GOLGA4: variants seen among roughly 807,000 people sequenced by gnomAD.
GOLGA4 encodes golgin A4.
Under a neutral mutation model 265.9 loss-of-function variants are expected in GOLGA4, and 169 were observed. The ratio of observed to expected loss-of-function variants is 0.64; its 90% CI spans 0.56 to 0.72. The LOEUF (loss-of-function observed/expected upper bound fraction) is 0.72. Among genes scored for constraint, GOLGA4 ranks in the 30% least tolerant of loss-of-function variants. The probability of loss-of-function intolerance (pLI) is 0.00; values close to 1 mark genes in which losing one functional copy is unlikely to be tolerated. For missense variants in GOLGA4, 2,482 were observed against 2,483.4 expected (o/e 1.00, Z 0.01); for synonymous variants, 923 against 855.8 (o/e 1.08, Z -1.37).
chr3:37,287,460 A>C (rs1191988056), intron 4 of GOLGA4: 1 of 152,214 alleles, frequency 6.6e-6, no homozygotes, highest in Non-Finnish European at 1.5e-5. Flanking sequence ...AATAGTAGGT[A>C]TTGCCAACAC....
In GOLGA4 at chr3:37,243,942, G is replaced by A. The variant is rs79419691; in HGVS notation, c.72+320G>A. On this transcript the variant is annotated intron_variant, in intron 1 of 23. Coordinates refer to ENST00000361924, the MANE Select transcript of GOLGA4 (RefSeq NM_002078.5). ...GCATGATTTCTGATCCATATTTGAGGTTTTCCCACTCATCTGAGACCCCAC... is the reference window on the plus strand; with the variant it reads ...GCATGATTTCTGATCCATATTTGAGATTTTCCCACTCATCTGAGACCCCAC... 2.2e-3 allele frequency: 758 copies of A among 339,364 alleles called. 7 individuals carry two copies. Among genetic ancestry groups the A allele is most frequent in the African/African-American group, 0.015 (710 of 46,670 alleles). The allele number at this position is 339,364 out of a possible 1,614,324, so 21.0% of individuals were successfully genotyped here.
chr3:37,243,371 C>G lies in GOLGA4; in HGVS notation c.-180C>G, dbSNP rs1338974769. 40 of 584,616 alleles carry G rather than the reference C, an allele frequency of 6.8e-5. No individual in the cohort carries two copies. Among genetic ancestry groups the G allele is most frequent in the Non-Finnish European group, 1.2e-4 (38 of 325,964 alleles). 36.2% of individuals were successfully genotyped at this position (584,616 alleles called of 1,614,324 possible). On this transcript the variant is annotated 5_prime_UTR_variant, in exon 1 of 24. Coordinates refer to ENST00000361924, the MANE Select transcript of GOLGA4 (RefSeq NM_002078.5). ...CCGGAAGAAAGAGACGCGGCGGCGGCGACGCCGACACCCTCAGGACGAGTG... is the reference window on the plus strand; with the variant it reads ...CCGGAAGAAAGAGACGCGGCGGCGGGGACGCCGACACCCTCAGGACGAGTG...
chr3:37,268,881 T>C (rs2096790697), intron 2 of GOLGA4, among the ~76,000 whole-genome samples: 1 of 152,222 alleles, frequency 6.6e-6, no homozygotes, highest in South Asian at 2.1e-4. Context: ...AGTCAGAAAC[T>C]TATTTCTCCC....
chr3:37,251,797 A>C (rs1180703646), intron 2 of GOLGA4, among the ~76,000 whole-genome samples: 1 of 151,970 alleles, frequency 6.6e-6, no homozygotes, highest in Non-Finnish European at 1.5e-5. Context: ...TGATCCTCTA[A>C]CTTCAGCCTC....
At chr3:37,310,721 G>A (rs776115112) in intron 10 of GOLGA4, among the ~76,000 whole-genome samples, 2 of 151,226 alleles carry the variant, frequency 1.3e-5, no homozygotes, top group Non-Finnish European at 2.9e-5. Context: ...TTTTTAAAGT[G>A]TGTGTGTGTG....
intron 21 of GOLGA4, among the ~76,000 whole-genome samples, chr3:37,351,175 T>C (rs558396205): frequency 2.6e-5 from 4 of 152,280 alleles, no homozygotes; most frequent in African/African-American, 4.8e-5. Flanking sequence ...ATTTCAACAA[T>C]GTTCACAGCA....
chr3:37,257,905 ATATATATATGTATG>A (rs1349120863), intron 2 of GOLGA4, among the ~76,000 whole-genome samples: 7 of 130,584 alleles, frequency 5.4e-5, no homozygotes, highest in African/African-American at 1.7e-4. Flanking sequence ...ATATATATAT[ATATATATATGTATG>A]TATATATGTA....
Position 37,282,258 on chromosome 3 carries a change from G to A in GOLGA4, c.463G>A (p.Gly155Arg). ...RMERSLSSYRGKYSELVTAYQ... is the reference protein window; with the variant it reads ...RMERSLSSYRRKYSELVTAYQ... ...GGAACGAAGCTTAAGTAGCTACAGG[G>A]GAAAATATTCTGAGGTAGGAGCATG... is the stretch of plus-strand genomic sequence containing the variant. The change falls in exon 3 of 24, where the codon GGA becomes AGA. Residue 155 changes from glycine to arginine, a missense_variant. By Grantham distance (125) the Gly-to-Arg change is moderately radical (BLOSUM62 -2). Coordinates refer to ENST00000361924, the MANE Select transcript of GOLGA4 (RefSeq NM_002078.5). 6.2e-7 allele frequency: 1 copy of A among 1,613,532 alleles called. No homozygotes were observed. The highest frequency in any genetic ancestry group is 1.7e-4 in the Middle Eastern group (1 of 6,060).
intron 2 of GOLGA4, among the ~76,000 whole-genome samples, chr3:37,277,776 T>G (rs1288158856): frequency 1.3e-5 from 2 of 151,992 alleles, no homozygotes; most frequent in East Asian, 3.9e-4. Flanking sequence ...TTCCCTAGGG[T>G]ACACTTGCTC....
intron 5 of GOLGA4, among the ~76,000 whole-genome samples, chr3:37,292,774 C>T (rs1004217512): frequency 5.9e-5 from 9 of 152,148 alleles, no homozygotes; most frequent in African/African-American, 1.2e-4. Context: ...GAATTTAGAT[C>T]TAAGAAAATC....
chr3:37,349,444 A>AGGGGT (rs1454670899), intron 21 of GOLGA4, among the ~76,000 whole-genome samples: 3 of 152,136 alleles, frequency 2.0e-5, no homozygotes, highest in Non-Finnish European at 4.4e-5. Context: ...CAGATGGTGG[A>AGGGGT]GGGGTAGCCC....
rs1559464361 is a variant in GOLGA4 at position 37,347,176 on chromosome 3, A to AT, written c.6473-10dup. ...TGGTTTTGTCTTTACAGTTTGATCT[A>AT]TTTTTTTATTTGGCAGGTGGCAATT... On this transcript the variant is annotated splice_polypyrimidine_tract_variant and intron_variant, in intron 20 of 23. Transcript: ENST00000361924. 1.1e-5 allele frequency: 17 copies of AT among 1,494,964 alleles called. No homozygotes were observed. The highest frequency in any genetic ancestry group is 1.5e-5 in the Non-Finnish European group (16 of 1,073,140). 92.6% of individuals were successfully genotyped at this position (1,494,964 alleles called of 1,614,324 possible).
intron 10 of GOLGA4, among the ~76,000 whole-genome samples, chr3:37,308,195 T>C (rs11924546): frequency 1.1e-3 from 167 of 151,270 alleles, no homozygotes; most frequent in African/African-American, 3.8e-3. Context: ...ATCCTGCCAT[T>C]GCACTCCAGC....
At chr3:37,288,454 G>C (rs2096856004) in intron 4 of GOLGA4, among the ~76,000 whole-genome samples, 1 of 148,866 alleles carries the variant, frequency 6.7e-6, no homozygotes, top group Non-Finnish European at 1.5e-5. Context: ...TTAGCCATCT[G>C]ATGTTCTTTG....
intron 20 of GOLGA4, 29 bp from the exon 21 acceptor site, chr3:37,347,164 A>G: frequency 7.5e-7 from 1 of 1,332,966 alleles, no homozygotes. Context: ...TTTTGTCTTT[A>G]CAGTTTGATC....
intron 5 of GOLGA4, among the ~76,000 whole-genome samples, chr3:37,294,236 G>C (rs969425629): frequency 3.9e-5 from 6 of 152,084 alleles, no homozygotes; most frequent in African/African-American, 1.4e-4. Flanking sequence ...GAAAGCGTTT[G>C]GTTTCGACTA....
chr3:37,257,941 ATATATATGTATG>A (rs1479332845), intron 2 of GOLGA4, among the ~76,000 whole-genome samples: 1 of 86,428 alleles, frequency 1.2e-5, no homozygotes, highest in Non-Finnish European at 2.2e-5. Flanking sequence ...ATATACATAC[ATATATATGTATG>A]TATATATGTA....
Position 37,327,697 on chromosome 3 carries a change from G to T in GOLGA4, c.5811G>T (p.Arg1937=), listed in dbSNP as rs779940445. The T allele has an allele frequency of 1.2e-6, 2 of 1,613,808 alleles. No homozygotes were observed. The highest frequency in any genetic ancestry group is 1.7e-6 in the Non-Finnish European group (2 of 1,179,886). The part of the protein sequence containing the change: ...DLEFKLAGAE[R]EKQKLGKEIV... ...AGTTTAAATTAGCCGGGGCAGAACG[G>T]GAGAAACAGAAACTGGGCAAGGAGA... The change falls in exon 14 of 24, where the codon CGG becomes CGT. Residue 1937 remains arginine (R), a synonymous_variant. Transcript: ENST00000361924.
At chr3:37,289,186 G>A (rs367547924) in intron 4 of GOLGA4, 49 bp from the exon 5 acceptor site, 4 of 954,162 alleles carry the variant, frequency 4.2e-6, no homozygotes, top group Non-Finnish European at 6.6e-6. Context: ...TATTTACTAT[G>A]TCATACAGTT....
Sources: gnomAD v4.1 joint callset for allele counts (sites outside exome capture counted in the v4.1 genomes callset) on GRCh38, gnomAD v4.1.1 for gene constraint, MANE v1.5 for transcripts, NCBI Gene and HGNC (gene_info 2026-07-23, HGNC 2026-07-21) for gene names.